GPC4: variants seen among roughly 807,000 people sequenced by gnomAD.
GPC4 encodes the protein glypican 4, also known as glypican-4.
A neutral mutation model predicts 35.0 loss-of-function variants in GPC4; 10 were observed. That is an observed-to-expected ratio of 0.29 (90% CI 0.18 to 0.48). The LOEUF is 0.48. Among genes scored for constraint, GPC4 ranks in the 20% least tolerant of loss-of-function variants. The pLI, the probability that GPC4 is intolerant of heterozygous loss-of-function variation, is 0.99. For synonymous variants in GPC4, 167 were observed against 170.2 expected (o/e 0.98, Z 0.15); for missense variants, 322 against 451.3 (o/e 0.71, Z 2.60).
chrX:133,412,125 A>C (rs11796643), intron 1 of GPC4, among the ~76,000 whole-genome samples: 45,554 of 110,386 alleles, frequency 0.41, 7,866 homozygotes, highest in African/African-American at 0.65. Context: ...TGAAAAAAGC[A>C]CATTCCCCAT....
intron 3 of GPC4, among the ~76,000 whole-genome samples, chrX:133,322,438 C>CA (rs756230456): frequency 0.047 from 2,695 of 57,347 alleles, 129 homozygotes; most frequent in African/African-American, 0.13. Context: ...AGCGAGATTC[C>CA]AAAAAAAAAA....
intron 1 of GPC4, among the ~76,000 whole-genome samples, chrX:133,347,255 T>G (rs1026769639): frequency 1.1e-5 from 1 of 87,276 alleles, no homozygotes; most frequent in African/African-American, 4.6e-5. Context: ...GAAGTTTTTT[T>G]TTTTTTTTTT....
intron 1 of GPC4, among the ~76,000 whole-genome samples, chrX:133,342,174 T>G (rs1463735377): frequency 9.3e-6 from 1 of 107,977 alleles, no homozygotes. Flanking sequence ...GTAACTGGGA[T>G]TACAGGCGTG....
intron 3 of GPC4, among the ~76,000 whole-genome samples, chrX:133,322,090 C>A (rs1270937504): frequency 9.0e-6 from 1 of 111,503 alleles, no homozygotes; most frequent in Non-Finnish European, 1.9e-5. Flanking sequence ...AGTTTTCTCT[C>A]CAACTAGAGT....
Position 133,415,337 on chromosome X carries a change from CG to C in GPC4, c.-373del, listed in dbSNP as rs2124192178. 5.1e-6 allele frequency: 1 copy of C among 195,735 alleles called. No individual in the cohort carries two copies. The highest frequency in any genetic ancestry group is 1.5e-4 in the East Asian group (1 of 6,834). The allele number at this position is 195,735 out of a possible 1,213,427, so 16.1% of individuals were successfully genotyped here. On this transcript the variant is annotated 5_prime_UTR_variant, in exon 1 of 9. Coordinates refer to ENST00000370828, the MANE Select transcript of GPC4 (RefSeq NM_001448.3). ...AAGGAGGGAAGGGTGGCAGGCGCCG[CG>C]GGGACCGCAGAGGGTGTGGGCGGCG...
chrX:133,360,209 T>C (rs2068560888), intron 1 of GPC4, among the ~76,000 whole-genome samples: 1 of 111,682 alleles, frequency 9.0e-6, no homozygotes, highest in East Asian at 2.8e-4. Flanking sequence ...TCTACATTAC[T>C]GTGCATTGTC....
chrX:133,330,542 A>AT (rs764916900), intron 2 of GPC4, among the ~76,000 whole-genome samples: 9 of 111,087 alleles, frequency 8.1e-5, no homozygotes, highest in Admixed American at 7.7e-4. Context: ...TTAAACAGGC[A>AT]TTTTTTTCTC....
chrX:133,341,163 G>C (rs1359861995), intron 1 of GPC4, among the ~76,000 whole-genome samples: 1 of 111,718 alleles, frequency 9.0e-6, no homozygotes, highest in Non-Finnish European at 1.9e-5. Flanking sequence ...CAAGTTCACA[G>C]CAGGCCTTCG....
At chrX:133,387,918 T>C (rs181129771) in intron 1 of GPC4, among the ~76,000 whole-genome samples, 40 of 111,818 alleles carry the variant, frequency 3.6e-4, no homozygotes, top group South Asian at 7.7e-4. Context: ...AAATCATCCC[T>C]AGCTATATTA....
At position 133,314,508 on chromosome X, in the gene GPC4, G is replaced by A. The variant is rs751307133; in HGVS notation, c.712-3085C>T. ...ATTATTTGGCTAAGTGCTGGCTCAT[G>A]CTCTGTACATGATTTGTTGTGTAAC... On this transcript the variant is annotated intron_variant, in intron 3 of 8. Coordinates refer to ENST00000370828, the MANE Select transcript of GPC4 (RefSeq NM_001448.3). Among the ~76,000 whole-genome samples the A allele has an allele frequency of 1.7e-3, 185 of 111,719 alleles. 1 individual carries two copies. The highest frequency in any genetic ancestry group is 5.2e-3 in the African/African-American group (160 of 30,737).
At chrX:133,331,263 G>C (rs1279311398) in intron 2 of GPC4, among the ~76,000 whole-genome samples, 1 of 111,350 alleles carries the variant, frequency 9.0e-6, no homozygotes, top group African/African-American at 3.3e-5. Flanking sequence ...GGCACTCTCA[G>C]TACCAGCTAG....
At chrX:133,368,737 C>T (rs749936616) in intron 1 of GPC4, among the ~76,000 whole-genome samples, 21 of 110,663 alleles carry the variant, frequency 1.9e-4, no homozygotes, top group Admixed American at 8.7e-4. Context: ...CTCTGCCTAC[C>T]GGGTTCAAGA....
chrX:133,399,208 G>A (rs763317161), intron 1 of GPC4, among the ~76,000 whole-genome samples: 9 of 111,827 alleles, frequency 8.0e-5, no homozygotes, highest in Admixed American at 9.5e-5. Context: ...AAATGAGAGC[G>A]GACTCAGACC....
rs1012551866 is a variant in GPC4, at chrX:133,351,191, G to A, written c.161-11850C>T. Among the ~76,000 whole-genome samples, 3 of 111,672 alleles carry A rather than the reference G, an allele frequency of 2.7e-5. No homozygotes were observed. In the South Asian group the frequency reaches 1.2e-3, roughly 43 times the overall value. The stretch of plus-strand genomic sequence containing the variant: ...GGAGCTTTAAGTAAAACTTGTCTCA[G>A]TCCTAATTTTGGAGTGAAAGCCACT... On this transcript the variant is annotated intron_variant, in intron 1 of 8. Coordinates refer to ENST00000370828, the MANE Select transcript of GPC4 (RefSeq NM_001448.3).
chrX:133,379,494 C>T (rs1225806220), intron 1 of GPC4, among the ~76,000 whole-genome samples: 1 of 111,800 alleles, frequency 8.9e-6, no homozygotes, highest in Non-Finnish European at 1.9e-5. Context: ...ACTAGATAGT[C>T]TTAATGGTTG....
intron 2 of GPC4, 73 bp downstream of exon 2, chrX:133,339,110 G>A: frequency 9.7e-7 from 1 of 1,029,479 alleles, no homozygotes; most frequent in Non-Finnish European, 1.3e-6. Flanking sequence ...AGCACTGAGG[G>A]AGCAGAGGAG....
At chrX:133,389,860 C>T (rs191483025) in intron 1 of GPC4, among the ~76,000 whole-genome samples, 2 of 111,647 alleles carry the variant, frequency 1.8e-5, no homozygotes, top group East Asian at 2.8e-4. Context: ...TGTTAGATTT[C>T]GGGCAGGAGC....
intron 1 of GPC4, among the ~76,000 whole-genome samples, chrX:133,392,498 A>G (rs2068724071): frequency 9.4e-6 from 1 of 106,935 alleles, no homozygotes; most frequent in African/African-American, 3.4e-5. Flanking sequence ...ACTCTTGTTC[A>G]TTACAGGAAA....
intron 1 of GPC4, among the ~76,000 whole-genome samples, chrX:133,342,094 T>C (rs995031896): frequency 4.0e-5 from 4 of 101,148 alleles, no homozygotes; most frequent in Admixed American, 3.3e-4. Context: ...TGGAGTGCAG[T>C]GTCGTGATCT....
Sources: allele counts gnomAD v4.1 joint callset (sites outside exome capture counted in the v4.1 genomes callset), GRCh38; gene constraint gnomAD v4.1.1; transcripts MANE v1.5; gene names NCBI Gene and HGNC (gene_info 2026-07-23, HGNC 2026-07-21).